FILIP1L: variants seen among roughly 807,000 people sequenced by gnomAD.
The protein encoded by FILIP1L is filamin A interacting protein 1 like, also known as filamin A-interacting protein 1-like.
In FILIP1L, 55 loss-of-function variants were observed where a neutral mutation model predicts 96.6. The observed-to-expected ratio is 0.57, with a 90% CI of 0.46 to 0.71. FILIP1L has a LOEUF of 0.71. Ranked by LOEUF, FILIP1L falls within the 30% of genes least tolerant of loss-of-function variation. The pLI is 0.00. For missense variants in FILIP1L, 1,304 were observed against 1,321.2 expected (o/e 0.99, Z 0.20); for synonymous variants, 467 against 473.9 (o/e 0.99, Z 0.19).
At chr3:99,904,919 T>C (rs149800190) in intron 4 of FILIP1L, among the ~76,000 whole-genome samples, 1,762 of 152,270 alleles carry the variant, frequency 0.012, 18 homozygotes, top group African/African-American at 0.026. Flanking sequence ...CCTCACCACC[T>C]TCTTTGGGTC....
chr3:99,863,513 T>G (rs1944363268), intron 4 of FILIP1L, among the ~76,000 whole-genome samples: 1 of 152,216 alleles, frequency 6.6e-6, no homozygotes, highest in South Asian at 2.1e-4. Context: ...TTTTATAATT[T>G]TTTTGACTCT....
At chr3:99,954,072 A>T (rs533227452) in intron 1 of FILIP1L, among the ~76,000 whole-genome samples, 1 of 152,384 alleles carries the variant, frequency 6.6e-6, no homozygotes, top group Admixed American at 6.5e-5. Context: ...GTGGCATCTC[A>T]GTTTGTAGCA....
chr3:100,018,210 C>T (rs1710401083), intron 1 of FILIP1L, among the ~76,000 whole-genome samples: 1 of 152,082 alleles, frequency 6.6e-6, no homozygotes, highest in Admixed American at 6.6e-5. Context: ...CCTGTAATCC[C>T]AGCTACTCAG....
intron 1 of FILIP1L, among the ~76,000 whole-genome samples, chr3:100,074,674 G>GGTTTTTTTT (rs1559748772): frequency 4.0e-5 from 1 of 25,112 alleles, no homozygotes; most frequent in Non-Finnish European, 8.2e-5. Flanking sequence ...TGCAACATTT[G>GGTTTTTTTT]ATTTTTTTTT....
At chr3:99,830,683 C>CA (rs1019727226) in intron 5 of FILIP1L, 78 bp from the exon 6 acceptor site, 70 of 429,522 alleles carry the variant, frequency 1.6e-4, no homozygotes, top group Non-Finnish European at 3.3e-4. Flanking sequence ...GACATGGAGT[C>CA]AGTTTGGAGG....
intron 1 of FILIP1L, among the ~76,000 whole-genome samples, chr3:99,939,172 G>A (rs927012367): frequency 6.6e-6 from 1 of 152,152 alleles, no homozygotes. Context: ...TCAGAAGGTG[G>A]TGCAGTAGTC....
intron 1 of FILIP1L, among the ~76,000 whole-genome samples, chr3:100,034,852 C>T (rs192213324): frequency 2.6e-5 from 4 of 152,134 alleles, no homozygotes; most frequent in Admixed American, 1.3e-4. Flanking sequence ...TATATACATA[C>T]GAATATATTT....
At chr3:100,095,969 A>G (rs1400978259) in intron 1 of FILIP1L, among the ~76,000 whole-genome samples, 2 of 152,192 alleles carry the variant, frequency 1.3e-5, no homozygotes, top group Admixed American at 1.3e-4. Context: ...TAAGATTTGA[A>G]TAGACATTTC....
chr3:99,867,738 T>C (rs917110240), intron 4 of FILIP1L, among the ~76,000 whole-genome samples: 7 of 152,156 alleles, frequency 4.6e-5, no homozygotes, highest in East Asian at 1.9e-4. Context: ...TCCTCCCTTC[T>C]TTCCTATATA....
chr3:100,053,339 C>T (rs977492688), intron 1 of FILIP1L, among the ~76,000 whole-genome samples: 3 of 152,146 alleles, frequency 2.0e-5, no homozygotes, highest in Non-Finnish European at 2.9e-5. Flanking sequence ...CTTCAAAGGC[C>T]GTAGGGAAGA....
At chr3:99,832,421 G>A (rs1279752336) in intron 5 of FILIP1L, among the ~76,000 whole-genome samples, 2 of 149,928 alleles carry the variant, frequency 1.3e-5, no homozygotes, top group East Asian at 2.0e-4. Context: ...TAGTAGAGAC[G>A]GGGTTTCACT....
At position 100,017,605 on chromosome 3, in the gene FILIP1L, T is replaced by C. The variant is rs150321005; in HGVS notation, c.-10-86575A>G. On this transcript the variant is annotated intron_variant, in intron 1 of 5. Transcript: ENST00000477258. ...TTTGTTGAAGAGTCAGTTAATGAAA[T>C]TTGAGAGTCCTTGGATTATCTGACA... is the stretch of plus-strand genomic sequence containing the variant. Among the ~76,000 whole-genome samples the C allele has an allele frequency of 2.0e-5, 3 of 152,254 alleles. No individual in the cohort carries two copies. In the East Asian group the frequency reaches 5.8e-4, roughly 29 times the overall value.
At chr3:99,845,785 A>C (rs1251885658) in intron 5 of FILIP1L, among the ~76,000 whole-genome samples, 3 of 152,234 alleles carry the variant, frequency 2.0e-5, no homozygotes, top group Non-Finnish European at 4.4e-5. Flanking sequence ...GTAATAATCT[A>C]CACGTTATTA....
chr3:100,053,930 T>G (rs1175245423), intron 1 of FILIP1L, among the ~76,000 whole-genome samples: 2 of 152,238 alleles, frequency 1.3e-5, no homozygotes, highest in South Asian at 4.1e-4. Flanking sequence ...TCCAAGTGTT[T>G]CCAAGCATTG....
In FILIP1L at chr3:99,828,815, C is replaced by T. The variant is rs745999527; in HGVS notation, c.*1599G>A. The stretch of plus-strand genomic sequence containing the variant: ...TTCTCTTCCTGCTTTCCTTTCACTT[C>T]GACTTTTCCATTTCAGGCTTTTAAT... On this transcript the variant is annotated 3_prime_UTR_variant, in exon 6 of 6. Transcript: ENST00000477258. Among the ~76,000 whole-genome samples the T allele has an allele frequency of 2.4e-4, 37 of 151,992 alleles. No individual in the cohort carries two copies. The highest frequency in any genetic ancestry group is 5.0e-4 in the Non-Finnish European group (34 of 67,988).
intron 1 of FILIP1L, among the ~76,000 whole-genome samples, chr3:100,033,105 G>C (rs1296148961): frequency 6.6e-6 from 1 of 151,466 alleles, no homozygotes; most frequent in Non-Finnish European, 1.5e-5. Context: ...CAACTATATT[G>C]CTGGATAGCA....
At chr3:99,953,324 C>T (rs1199684737) in intron 1 of FILIP1L, among the ~76,000 whole-genome samples, 4 of 152,056 alleles carry the variant, frequency 2.6e-5, no homozygotes, top group African/African-American at 9.7e-5. Context: ...AGACATAGGG[C>T]AAACCAATGA....
chr3:99,833,389 G>T, intron 5 of FILIP1L: 1 of 717,222 alleles, frequency 1.4e-6, no homozygotes, highest in Non-Finnish European at 2.4e-6. Flanking sequence ...GTTACAGTGA[G>T]TTATTAGAAG....
intron 4 of FILIP1L, among the ~76,000 whole-genome samples, chr3:99,888,903 T>G (rs958218169): frequency 6.0e-4 from 91 of 152,200 alleles, no homozygotes; most frequent in African/African-American, 2.1e-3. Flanking sequence ...GAATTGTGCT[T>G]CTTAATTTTT....
Sources: gnomAD v4.1 joint callset for allele counts (sites outside exome capture counted in the v4.1 genomes callset) on GRCh38, gnomAD v4.1.1 for gene constraint, MANE v1.5 for transcripts, NCBI Gene and HGNC (gene_info 2026-07-23, HGNC 2026-07-21) for gene names.